C10orf67: variants seen among roughly 807,000 people sequenced by gnomAD.
C10orf67 encodes the protein chromosome 10 open reading frame 67.
C10orf67 carries 60 observed loss-of-function variants against 35.6 expected under a neutral mutation model. The observed-to-expected ratio is 1.68, with a 90% CI of 1.37 to 2.09. C10orf67 has a LOEUF of 2.09. C10orf67 is among the 30% of genes most tolerant of loss of function. C10orf67 has a pLI of 0.00. For missense variants in C10orf67, 474 were observed against 330.2 expected (o/e 1.44, Z -3.38); for synonymous variants, 167 against 115.8 (o/e 1.44, Z -2.84).
intron 2 of C10orf67, among the ~76,000 whole-genome samples, chr10:23,331,210 G>A (rs1166843796): frequency 0.21 from 2,103 of 9,796 alleles, 77 homozygotes; most frequent in East Asian, 0.36. Context: ...GAAGGGAAGA[G>A]GGAAGGGAAG....
At chr10:23,201,958 GA>G (rs1300798474), downstream of C10orf67, 2 of 152,044 alleles carry the variant, frequency 1.3e-5, no homozygotes, top group South Asian at 4.1e-4. Context: ...TGCGATGATT[GA>G]TTTTTTTTAT....
At chr10:23,212,071 C>G (rs1841323256) in intron 15 of C10orf67, among the ~76,000 whole-genome samples, 1 of 152,120 alleles carries the variant, frequency 6.6e-6, no homozygotes, top group African/African-American at 2.4e-5. Flanking sequence ...TAGGGTGGAC[C>G]TTAACCCAGT....
chr10:23,266,454 T>TATTCTC, intron 9 of C10orf67, 28 bp from the exon 10 acceptor site: 1 of 398,594 alleles, frequency 2.5e-6, no homozygotes, highest in South Asian at 1.3e-4. Context: ...ACAACTTTGT[T>TATTCTC]ATTCTCATTT....
chr10:23,284,923 C>T (rs1469244631), intron 7 of C10orf67, among the ~76,000 whole-genome samples: 1 of 152,050 alleles, frequency 6.6e-6, no homozygotes, highest in Admixed American at 6.6e-5. Flanking sequence ...CAGAAGGGAC[C>T]ATAGGTATAT....
chr10:23,344,049 C>A (rs1331504008), intron 1 of C10orf67: 2 of 324,290 alleles, frequency 6.2e-6, no homozygotes, highest in South Asian at 2.5e-5. Flanking sequence ...TCTCCTGAGT[C>A]GGAGTCGGGA....
intron 13 of C10orf67, among the ~76,000 whole-genome samples, chr10:23,231,699 G>C (rs544336902): frequency 2.0e-5 from 3 of 152,326 alleles, no homozygotes; most frequent in African/African-American, 7.2e-5. Flanking sequence ...GGTGAAACTA[G>C]AAGAATGCTG....
At chr10:23,275,134 T>C (rs1843149917) in intron 8 of C10orf67, among the ~76,000 whole-genome samples, 2 of 152,142 alleles carry the variant, frequency 1.3e-5, no homozygotes, top group African/African-American at 4.8e-5. Flanking sequence ...ATTAAATTAC[T>C]TCCTTACAGA....
intron 5 of C10orf67, among the ~76,000 whole-genome samples, chr10:23,300,057 C>T (rs563132987): frequency 2.1e-4 from 32 of 151,956 alleles, no homozygotes; most frequent in African/African-American, 7.2e-4. Context: ...AATGGTCAAG[C>T]ATATCTGGGG....
intron 12 of C10orf67, among the ~76,000 whole-genome samples, chr10:23,241,026 T>C (rs1310951398): frequency 1.3e-5 from 2 of 152,316 alleles, no homozygotes; most frequent in South Asian, 2.1e-4. Context: ...TGAAAGAAGA[T>C]ATTTGACTCA....
intron 13 of C10orf67, among the ~76,000 whole-genome samples, chr10:23,231,394 C>A (rs935095914): frequency 1.3e-5 from 2 of 152,154 alleles, no homozygotes; most frequent in African/African-American, 4.8e-5. Flanking sequence ...AAGTTGACCA[C>A]CTTTATTTAT....
At chr10:23,290,165 A>C (rs1843678075) in intron 6 of C10orf67, among the ~76,000 whole-genome samples, 1 of 152,238 alleles carries the variant, frequency 6.6e-6, no homozygotes, top group South Asian at 2.1e-4. Context: ...ATTAAGAAGT[A>C]AGTTCAAGAT....
intron 15 of C10orf67, among the ~76,000 whole-genome samples, chr10:23,211,910 C>T (rs906866921): frequency 1.3e-5 from 2 of 152,110 alleles, no homozygotes; most frequent in African/African-American, 4.8e-5. Flanking sequence ...AAACATGTCT[C>T]TTGTAACGAA....
intron 5 of C10orf67, among the ~76,000 whole-genome samples, chr10:23,300,759 G>T (rs1844046309): frequency 6.6e-6 from 1 of 152,136 alleles, no homozygotes; most frequent in Non-Finnish European, 1.5e-5. Flanking sequence ...TCCATGTTCT[G>T]ATTCTGTGTC....
At chr10:23,234,233 T>C (rs534232338) in intron 13 of C10orf67, among the ~76,000 whole-genome samples, 15 of 152,318 alleles carry the variant, frequency 9.8e-5, no homozygotes, top group African/African-American at 2.9e-4. Context: ...CATATGTTAA[T>C]TGCAGCACTA....
intron 5 of C10orf67, among the ~76,000 whole-genome samples, chr10:23,294,278 T>C (rs905571329): frequency 5.9e-5 from 9 of 152,078 alleles, no homozygotes; most frequent in Non-Finnish European, 7.4e-5. Context: ...AGGTGGGTGA[T>C]GGTTGCAGGG....
chr10:23,271,361 A>G (rs1185426271), intron 8 of C10orf67, among the ~76,000 whole-genome samples: 1 of 152,226 alleles, frequency 6.6e-6, no homozygotes, highest in Non-Finnish European at 1.5e-5. Context: ...GCTCTTACAA[A>G]CAAAGCTGCT....
chr10:23,339,402 CAAAA>C (rs34805547), intron 1 of C10orf67, among the ~76,000 whole-genome samples: 4 of 72,330 alleles, frequency 5.5e-5, no homozygotes, highest in African/African-American at 1.0e-4. Context: ...AAAAAGGCAG[CAAAA>C]AAAAAAAAAA....
chr10:23,312,914 G>A (rs557738321), intron 4 of C10orf67, among the ~76,000 whole-genome samples: 53 of 152,286 alleles, frequency 3.5e-4, no homozygotes, highest in African/African-American at 1.1e-3. Flanking sequence ...AGAGGACTGC[G>A]TTCGGACTCA....
rs552795216 is a variant in C10orf67, at chr10:23,239,771, A to C, written c.1392T>G (p.Phe464Leu). ...TGTCAGCAAGCACTGCAAACTGACGAAACAGTGTGTGCCTTGTAAACATCT... is the reference window on the plus strand; with the variant it reads ...TGTCAGCAAGCACTGCAAACTGACGCAACAGTGTGTGCCTTGTAAACATCT... ...KNEMFTRHTL[F>L]RQFAVLADTS... The change falls in exon 13 of 16, where the codon TTT (phenylalanine) becomes TTG (leucine). Residue 464 changes from phenylalanine to leucine, a missense_variant. By Grantham distance (22) the Phe-to-Leu change is conservative (BLOSUM62 0). Coordinates refer to ENST00000636213, the MANE Select transcript of C10orf67 (RefSeq NM_001371909.1). 5.7e-4 allele frequency: 375 copies of C among 655,158 alleles called. No homozygotes were observed. Among genetic ancestry groups the C allele is most frequent in the Admixed American group, 8.3e-4 (41 of 49,548 alleles). The allele number at this position is 655,158 out of a possible 1,614,324, so 40.6% of individuals were successfully genotyped here.
Sources: gnomAD v4.1 joint callset for allele counts (sites outside exome capture counted in the v4.1 genomes callset) on GRCh38, gnomAD v4.1.1 for gene constraint, MANE v1.5 for transcripts, NCBI Gene and HGNC (gene_info 2026-07-23, HGNC 2026-07-21) for gene names.